CTSA: variants seen among roughly 807,000 people sequenced by gnomAD.
CTSA encodes lysosomal protective protein.
In CTSA, 42 loss-of-function variants were observed where a neutral mutation model predicts 66.7. The observed-to-expected ratio is 0.63, with a 90% CI of 0.49 to 0.81. The LOEUF is 0.81. Among genes scored for constraint, CTSA ranks in the 40% least tolerant of loss-of-function variants. The pLI, the probability that CTSA is intolerant of heterozygous loss-of-function variation, is 0.00. For missense variants in CTSA, 525 were observed against 610.9 expected (o/e 0.86, Z 1.48); for synonymous variants, 225 against 248.6 (o/e 0.91, Z 0.89).
chr20:45,891,978 C>T lies in CTSA; in HGVS notation c.257C>T (p.Pro86Leu), dbSNP rs2145814296. 8.1e-6 allele frequency: 13 copies of T among 1,614,164 alleles called. No homozygotes were observed. The highest frequency in any genetic ancestry group is 1.3e-5 in the African/African-American group (1 of 75,042). Residue 86 changes from proline to leucine, a missense_variant, in exon 3 of 15, where the codon CCC becomes CTC. Pro to Leu is a moderately conservative substitution (Grantham distance 98). Transcript: ENST00000646241. This position sits in a 1 kb window ranked among gnomAD's most constrained non-coding sequence, Gnocchi z 4.6. Reference sequence around the variant, plus strand: ...GTGGTGCTTTGGCTCAATGGGGGTCCCGGCTGCAGCTCACTAGATGGGCTC... The same window carrying T: ...GTGGTGCTTTGGCTCAATGGGGGTCTCGGCTGCAGCTCACTAGATGGGCTC... ...SPVVLWLNGG[P>L]GCSSLDGLLT...
At position 45,892,391 on chromosome 20, in the gene CTSA, CCT is replaced by C; in HGVS notation, c.358-4_358-3del. ...TGGCATTTAGCTAATTTTTCCCTCCCCTCTAGATTGCCAATGTGTTATACCTG... is the reference window on the plus strand; with the variant it reads ...TGGCATTTAGCTAATTTTTCCCTCCCCTAGATTGCCAATGTGTTATACCTG... On this transcript the variant is annotated splice_polypyrimidine_tract_variant and splice_region_variant and intron_variant, in intron 4 of 14. Coordinates refer to ENST00000646241, the MANE Select transcript of CTSA (RefSeq NM_000308.4). 6.2e-7 allele frequency: 1 copy of C among 1,614,084 alleles called. No homozygotes were observed. Among genetic ancestry groups the C allele is most frequent in the Non-Finnish European group, 8.5e-7 (1 of 1,179,980 alleles).
Position 45,894,851 on chromosome 20 carries a change from G to C in CTSA, c.898G>C (p.Asp300His). 1 of 1,614,116 alleles carries C rather than the reference G, an allele frequency of 6.2e-7. No individual in the cohort carries two copies. Among genetic ancestry groups the C allele is most frequent in the South Asian group, 1.1e-5 (1 of 91,084 alleles). The change falls in exon 10 of 15, where the codon GAT becomes CAT. Residue 300 changes from aspartate (D) to histidine (H), a missense_variant. Physicochemically the swap from Asp to His is moderately conservative, Grantham distance 81. Around this residue, in one of 3 missense-constraint regions of CTSA, gnomAD observed 274 missense variants for 321.1 expected, o/e 0.85. Transcript: ENST00000646241. ...RYEKDTVVVQDLGNIFTRLPL... is the reference protein window; with the variant it reads ...RYEKDTVVVQHLGNIFTRLPL... ...TGAGAAGGACACTGTTGTGGTCCAG[G>C]ATTTGGGCAACATCTTCACTCGCCT...
rs966829134 is a variant in CTSA at position 45,898,687 on chromosome 20, C to T, written c.*237C>T. On this transcript the variant is annotated 3_prime_UTR_variant, in exon 15 of 15. Coordinates refer to ENST00000646241, the MANE Select transcript of CTSA (RefSeq NM_000308.4). The surrounding 1 kb of genome is among the most constrained non-coding windows in gnomAD (Gnocchi z 4.6). ...ATGGGGTGGCCTGGCCCCTTCTCTG[C>T]TTAAAGAATGCCCTTTATGATGCAC... is the stretch of plus-strand genomic sequence containing the variant. 2 of 663,592 alleles carry T rather than the reference C, an allele frequency of 3.0e-6. No individual in the cohort carries two copies. The highest frequency in any genetic ancestry group is 5.2e-6 in the Non-Finnish European group (2 of 381,204). The allele number at this position is 663,592 out of a possible 1,614,324, so 41.1% of individuals were successfully genotyped here.
chr20:45,897,422 C>T (rs2083122401), intron 12 of CTSA: 1 of 499,714 alleles, frequency 2.0e-6, no homozygotes, highest in Non-Finnish European at 3.6e-6. Context: ...GCTCTGGAGT[C>T]ACATGGCCTG....
chr20:45,895,091 C>G lies in CTSA; in HGVS notation c.1046C>G (p.Ala349Gly), dbSNP rs1987178824. The G allele has an allele frequency of 6.2e-7, 1 of 1,614,168 alleles. No homozygotes were observed. The highest frequency in any genetic ancestry group is 1.7e-5 in the Admixed American group (1 of 60,008). Residue 349 changes from alanine to glycine, a missense_variant, in exon 11 of 15, where the codon GCC (alanine) becomes GGC (glycine). By Grantham distance (60) the Ala-to-Gly change is moderately conservative. Transcript: ENST00000646241. ...TYLNNPYVRK[A>G]LNIPEQLPQW... ...CTCAACAACCCGTACGTGCGGAAGGCCCTCAACATCCCGGAGCAGCTGCCA... is the reference window on the plus strand; with the variant it reads ...CTCAACAACCCGTACGTGCGGAAGGGCCTCAACATCCCGGAGCAGCTGCCA...
rs574555030 is a variant in CTSA, at chr20:45,893,917, G to C, written c.693-71G>C. ...TCAGGGAGGTTGGTGGGAGGTGGGG[G>C]GTATGCTCGCCTCCTCTGCCTTCCT... On this transcript the variant is annotated intron_variant, in intron 7 of 14. Coordinates refer to ENST00000646241, the MANE Select transcript of CTSA (RefSeq NM_000308.4). 19 of 912,302 alleles carry C rather than the reference G, an allele frequency of 2.1e-5. No homozygotes were observed. In the Admixed American group the frequency reaches 3.0e-4, roughly 15 times the overall value. The allele number at this position is 912,302 out of a possible 1,614,324, so 56.5% of individuals were successfully genotyped here. A position where few individuals can be genotyped will look rare whatever the true frequency, so the allele number is the denominator to read the frequency against.
At chr20:45,894,129 A>G in intron 8 of CTSA, 57 bp downstream of exon 8, 1 of 1,217,230 alleles carries the variant, frequency 8.2e-7, no homozygotes, top group Non-Finnish European at 1.2e-6. Context: ...TGAGAACAGG[A>G]CCACATTCCC....
chr20:45,892,594 C>A, intron 5 of CTSA, 110 bp downstream of exon 5: 1 of 1,490,808 alleles, frequency 6.7e-7, no homozygotes, highest in Non-Finnish European at 9.3e-7. Context: ...CTGTCATATG[C>A]TATTGTGGTA....
chr20:45,892,147 T>C, intron 3 of CTSA, 120 bp downstream of exon 3: 1 of 1,419,270 alleles, frequency 7.0e-7, no homozygotes, highest in Non-Finnish European at 1.0e-6. Context: ...TTTTCCTCTA[T>C]GCCATTGGCT....
At chr20:45,892,962 G>A in intron 6 of CTSA, 82 bp downstream of exon 6, 1 of 1,518,634 alleles carries the variant, frequency 6.6e-7, no homozygotes, top group Non-Finnish European at 9.0e-7. Flanking sequence ...ACTGGTCAAT[G>A]TCCCCATCCA....
chr20:45,893,358 A>G (rs1488275367), intron 7 of CTSA, 47 bp downstream of exon 7: 1 of 1,416,786 alleles, frequency 7.1e-7, no homozygotes, highest in Admixed American at 1.7e-5. Flanking sequence ...GGCAGGTCAC[A>G]TGATCTCAGG....
At chr20:45,893,384 CATGAT>C in intron 7 of CTSA, 73 bp downstream of exon 7, 1 of 1,122,496 alleles carries the variant, frequency 8.9e-7, no homozygotes, top group Non-Finnish European at 1.4e-6. Flanking sequence ...CCTCCAGGCA[CATGAT>C]ATGACAGGCC....
chr20:45,897,675 G>C (rs1451742543), intron 12 of CTSA, 42 bp from the exon 13 acceptor site: 1 of 1,225,106 alleles, frequency 8.2e-7, no homozygotes, highest in African/African-American at 1.5e-5. Context: ...CTGGGGACTG[G>C]GCTTGTTCCA....
rs950832556 is a variant in CTSA at position 45,894,376 on chromosome 20, A to G, written c.778-274A>G. 8.2e-6 allele frequency: 5 copies of G among 609,198 alleles called. No individual in the cohort carries two copies. In the Admixed American group the frequency reaches 1.1e-4, roughly 13 times the overall value. 37.7% of individuals were successfully genotyped at this position (609,198 alleles called of 1,614,324 possible). ...TATTTAAGCTTCAAGATTCCCCCTC[A>G]AATGAGATCATACTACCCACATTTT... On this transcript the variant is annotated intron_variant, in intron 8 of 14. Transcript: ENST00000646241.
At chr20:45,897,981 C>T (rs759801387) in intron 13 of CTSA, 24 bp from the exon 14 acceptor site, 5 of 1,610,988 alleles carry the variant, frequency 3.1e-6, no homozygotes, top group Non-Finnish European at 4.2e-6. Flanking sequence ...CTGCTGTAGG[C>T]TGATGTCTTT....
chr20:45,893,873 C>A, intron 7 of CTSA, 115 bp from the exon 8 acceptor site: 1 of 767,796 alleles, frequency 1.3e-6, no homozygotes. Flanking sequence ...CCTGTGATAT[C>A]TTTCCCAGTC....
In CTSA at chr20:45,898,232, A is replaced by G; in HGVS notation, c.1359+123A>G. ...GTCACCATCTGGCCCCTGTATGGGC[A>G]AGTTTTTTTGGAGAGGGGTGGGGAG... On this transcript the variant is annotated intron_variant, in intron 14 of 14. Coordinates refer to ENST00000646241, the MANE Select transcript of CTSA (RefSeq NM_000308.4). The surrounding 1 kb of genome is among the most constrained non-coding windows in gnomAD (Gnocchi z 4.6). The G allele has an allele frequency of 1.5e-6, 2 of 1,350,104 alleles. No homozygotes were observed. The allele number at this position is 1,350,104 out of a possible 1,614,324, so 83.6% of individuals were successfully genotyped here. A position where few individuals can be genotyped will look rare whatever the true frequency, so the allele number is the denominator to read the frequency against.
chr20:45,892,289 T>C lies in CTSA; in HGVS notation c.323T>C (p.Val108Ala), dbSNP rs756911294. ...HGPFLVQPDG[V>A]TLEYNPYSWN... Reference sequence around the variant, plus strand: ...CCTCCTCAGGTCCAGCCAGATGGTGTCACCCTGGAGTACAACCCCTATTCT... The same window carrying C: ...CCTCCTCAGGTCCAGCCAGATGGTGCCACCCTGGAGTACAACCCCTATTCT... Residue 108 changes from valine to alanine, a missense_variant, in exon 4 of 15, where the codon GTC (valine) becomes GCC (alanine). Val to Ala is a moderately conservative substitution (Grantham distance 64, BLOSUM62 0). Around this residue, in one of 3 missense-constraint regions of CTSA, gnomAD observed 246 missense variants for 267.4 expected, o/e 0.92. Transcript: ENST00000646241. The C allele has an allele frequency of 6.2e-7, 1 of 1,614,094 alleles. No individual in the cohort carries two copies. Among genetic ancestry groups the C allele is most frequent in the Non-Finnish European group, 8.5e-7 (1 of 1,180,022 alleles).
chr20:45,898,647 C>T lies in CTSA; in HGVS notation c.*197C>T, dbSNP rs527892824. ...TGGGGGCAAGTTAGCACTTTATTCC[C>T]GCAGCAGTTCCTGAATGGGGTGGCC... On this transcript the variant is annotated 3_prime_UTR_variant, in exon 15 of 15. Coordinates refer to ENST00000646241, the MANE Select transcript of CTSA (RefSeq NM_000308.4). The surrounding 1 kb of genome is among the most constrained non-coding windows in gnomAD (Gnocchi z 4.6). 2.3e-5 allele frequency: 16 copies of T among 694,654 alleles called. No individual in the cohort carries two copies. Among genetic ancestry groups the T allele is most frequent in the East Asian group, 5.4e-5 (2 of 37,010 alleles). The allele number at this position is 694,654 out of a possible 1,614,324, so 43.0% of individuals were successfully genotyped here.
Sources: allele counts gnomAD v4.1 joint callset, GRCh38; gene constraint gnomAD v4.1.1; regional missense constraint gnomAD v4.1.1; non-coding constraint Gnocchi (gnomAD v3.1); transcripts MANE v1.5; gene names NCBI Gene and HGNC (gene_info 2026-07-23, HGNC 2026-07-21).